DLGAP1: variants seen among roughly 807,000 people sequenced by gnomAD.
The protein encoded by DLGAP1 is disks large-associated protein 1.
A neutral mutation model predicts 90.8 loss-of-function variants in DLGAP1; 11 were observed. That is an observed-to-expected ratio of 0.12 (90% CI 0.08 to 0.20). DLGAP1 has a LOEUF of 0.20. DLGAP1 is among the 10% of genes least tolerant of loss of function. DLGAP1 has a pLI of 1.00. For synonymous variants in DLGAP1, 558 were observed against 540.7 expected (o/e 1.03, Z -0.44); for missense variants, 1,050 against 1,333.8 (o/e 0.79, Z 3.31).
chr18:4,327,090 ATACAAATT>A (rs71160957), intron 1 of DLGAP1, among the ~76,000 whole-genome samples: 77,581 of 151,156 alleles, frequency 0.51, 20,905 homozygotes, highest in African/African-American at 0.69. Flanking sequence ...TAATTAAAGA[ATACAAATT>A]TACAAATTTT....
At chr18:4,021,782 A>T (rs562253123) in intron 2 of DLGAP1, among the ~76,000 whole-genome samples, 1 of 152,180 alleles carries the variant, frequency 6.6e-6, no homozygotes, top group South Asian at 2.1e-4. Context: ...TATTTTTAGT[A>T]GAGATAGGGA....
At chr18:3,726,373 A>G (rs1169379998) in intron 7 of DLGAP1, among the ~76,000 whole-genome samples, 1 of 152,158 alleles carries the variant, frequency 6.6e-6, no homozygotes, top group East Asian at 1.9e-4. Context: ...GTAAAAAGGA[A>G]ACTACAGGAA....
intron 4 of DLGAP1, among the ~76,000 whole-genome samples, chr18:3,846,839 A>T (rs1431282415): frequency 6.6e-6 from 1 of 152,142 alleles, no homozygotes; most frequent in African/African-American, 2.4e-5. Context: ...AGGATTCCTT[A>T]TTGGAGTGAA....
intron 7 of DLGAP1, among the ~76,000 whole-genome samples, chr18:3,645,844 T>C (rs1340856495): frequency 6.6e-6 from 1 of 152,236 alleles, no homozygotes; most frequent in Non-Finnish European, 1.5e-5. Context: ...AGGGCATTTA[T>C]TAACTTTATT....
chr18:4,059,452 C>T (rs552011800), intron 2 of DLGAP1, among the ~76,000 whole-genome samples: 8 of 152,252 alleles, frequency 5.3e-5, no homozygotes, highest in South Asian at 4.1e-4. Context: ...AGGCATGAGC[C>T]GCCGCACCTG....
chr18:4,410,355 TTAAAA>T (rs2082750983), intron 1 of DLGAP1, among the ~76,000 whole-genome samples: 1 of 152,168 alleles, frequency 6.6e-6, no homozygotes, highest in Admixed American at 6.5e-5. Flanking sequence ...ATTTTCAATA[TTAAAA>T]TAGTCAAAAC....
intron 3 of DLGAP1, among the ~76,000 whole-genome samples, chr18:3,992,519 A>G (rs1163620827): frequency 6.6e-6 from 1 of 152,146 alleles, no homozygotes; most frequent in Non-Finnish European, 1.5e-5. Flanking sequence ...TTCTACAAAA[A>G]TTACAAAAAT....
intron 1 of DLGAP1, among the ~76,000 whole-genome samples, chr18:4,242,819 G>C (rs2078570210): frequency 1.3e-5 from 2 of 152,056 alleles, no homozygotes; most frequent in Admixed American, 6.6e-5. Context: ...ACCCATGTGA[G>C]GGCTAGATCA....
At chr18:3,602,372 G>C (rs1426469599) in intron 7 of DLGAP1, among the ~76,000 whole-genome samples, 2 of 152,122 alleles carry the variant, frequency 1.3e-5, no homozygotes, top group Non-Finnish European at 2.9e-5. Context: ...GAGGCGGGCG[G>C]ATCACGAGGT....
intron 7 of DLGAP1, among the ~76,000 whole-genome samples, chr18:3,712,480 C>T (rs1431708737): frequency 6.6e-6 from 1 of 152,234 alleles, no homozygotes; most frequent in Non-Finnish European, 1.5e-5. Context: ...TTAACTCCCA[C>T]AAGGCACTCC....
chr18:4,345,739 T>C (rs2081291406), intron 1 of DLGAP1, among the ~76,000 whole-genome samples: 1 of 152,254 alleles, frequency 6.6e-6, no homozygotes, highest in Non-Finnish European at 1.5e-5. Context: ...CGATGTTCAA[T>C]GCCTTTTTGT....
chr18:3,710,367 C>T (rs1675248621), intron 7 of DLGAP1, among the ~76,000 whole-genome samples: 1 of 152,182 alleles, frequency 6.6e-6, no homozygotes, highest in South Asian at 2.1e-4. Flanking sequence ...CCTTTCTCCT[C>T]CACACCCAGC....
intron 5 of DLGAP1, among the ~76,000 whole-genome samples, chr18:3,750,882 T>C (rs1036400733): frequency 4.6e-5 from 7 of 152,212 alleles, no homozygotes; most frequent in African/African-American, 1.4e-4. Context: ...AGCAGGTCAC[T>C]GGGTGTTAGA....
At chr18:3,514,419 C>G (rs1360885821) in intron 10 of DLGAP1, among the ~76,000 whole-genome samples, 1 of 152,190 alleles carries the variant, frequency 6.6e-6, no homozygotes, top group Non-Finnish European at 1.5e-5. Flanking sequence ...GACAGACACC[C>G]CTGCAATGGA....
intron 4 of DLGAP1, chr18:3,874,507 C>A (rs1461535234): frequency 2.1e-6 from 3 of 1,443,460 alleles, no homozygotes; most frequent in South Asian, 3.1e-5. Context: ...TAAACAGAAC[C>A]AAGAATTCTG....
Position 3,522,264 on chromosome 18 carries a change from G to A in DLGAP1, c.2479+11930C>T, listed in dbSNP as rs192329869. On this transcript the variant is annotated intron_variant, in intron 10 of 12. Coordinates refer to ENST00000315677, the MANE Select transcript of DLGAP1 (RefSeq NM_004746.4). The stretch of plus-strand genomic sequence containing the variant: ...TGATTCTCCTGCCTCAGCCTCCCGA[G>A]TAGCTGGGATTACATGCGCGTGCCA... Among the ~76,000 whole-genome samples, 829 of 151,362 alleles carry A rather than the reference G, an allele frequency of 5.5e-3. 8 individuals carry two copies. Among genetic ancestry groups the A allele is most frequent in the Middle Eastern group, 0.038 (11 of 292 alleles).
Position 3,727,582 on chromosome 18 carries a change from T to G in DLGAP1, c.1591+1553A>C, listed in dbSNP as rs547588912. Reference sequence around the variant, plus strand: ...AATGGACCAGACACTGGGAACGGGTTGTGTGTTGGGTGGGGGTGGTGAAAA... The same window carrying G: ...AATGGACCAGACACTGGGAACGGGTGGTGTGTTGGGTGGGGGTGGTGAAAA... On this transcript the variant is annotated intron_variant, in intron 7 of 12. Transcript: ENST00000315677. This position sits in a 1 kb window ranked among gnomAD's most constrained non-coding sequence, Gnocchi z 4.7. The G allele has an allele frequency of 6.6e-6, 1 of 152,316 alleles. No homozygotes were observed. Among genetic ancestry groups the G allele is most frequent in the South Asian group, 2.1e-4 (1 of 4,828 alleles). 9.4% of individuals were successfully genotyped at this position (152,316 alleles called of 1,614,324 possible).
At chr18:4,264,016 T>C (rs1433039632) in intron 1 of DLGAP1, among the ~76,000 whole-genome samples, 1 of 152,210 alleles carries the variant, frequency 6.6e-6, no homozygotes, top group African/African-American at 2.4e-5. Context: ...TTCCCACAAC[T>C]TCTCATAAAT....
chr18:3,811,551 T>G (rs917197711), intron 5 of DLGAP1, among the ~76,000 whole-genome samples: 20 of 152,178 alleles, frequency 1.3e-4, no homozygotes, highest in African/African-American at 4.6e-4. Context: ...ATCACCACTT[T>G]GAATTTCTGT....
Sources: gnomAD v4.1 joint callset for allele counts (sites outside exome capture counted in the v4.1 genomes callset) on GRCh38, gnomAD v4.1.1 for gene constraint, Gnocchi (gnomAD v3.1) non-coding constraint, MANE v1.5 for transcripts, NCBI Gene and HGNC (gene_info 2026-07-23, HGNC 2026-07-21) for gene names.